Variants in KALRN observed in about 807,000 individuals in gnomAD.
KALRN encodes the protein kalirin.
Under a neutral mutation model 353.7 loss-of-function variants are expected in KALRN, and 70 were observed. That is an observed-to-expected ratio of 0.20 (90% CI 0.16 to 0.24). The LOEUF (loss-of-function observed/expected upper bound fraction) is 0.24, where lower values mean the gene tolerates loss of function less well. Ranked by LOEUF, KALRN falls within the 10% of genes least tolerant of loss-of-function variation. KALRN has a pLI of 1.00. For missense variants in KALRN, 2,791 were observed against 3,756.7 expected, an observed-to-expected ratio of 0.74 and a Z score of 6.72; for synonymous variants, 1,391 against 1,434.8, an observed-to-expected ratio of 0.97 and a Z score of 0.69.
intron 34 of KALRN, among the ~76,000 whole-genome samples, chr3:124,573,972 G>A (rs191745597): frequency 9.2e-5 from 14 of 152,240 alleles, no homozygotes; most frequent in Admixed American, 7.2e-4. Context: ...GGTAACATTT[G>A]GACCACATTA....
chr3:124,149,515 G>C (rs1389463641), intron 1 of KALRN, among the ~76,000 whole-genome samples: 3 of 152,138 alleles, frequency 2.0e-5, no homozygotes, highest in Non-Finnish European at 4.4e-5. Flanking sequence ...TTGGAAGTGG[G>C]ATCTCATTCT....
intron 37 of KALRN, 129 bp from the exon 38 acceptor site, chr3:124,650,679 C>T: frequency 1.1e-6 from 1 of 893,384 alleles, no homozygotes. Flanking sequence ...TAGTGCTTCA[C>T]TGTGGTTTGG....
At chr3:124,364,343 C>G (rs1261457495) in intron 10 of KALRN, among the ~76,000 whole-genome samples, 1 of 152,186 alleles carries the variant, frequency 6.6e-6, no homozygotes, top group Non-Finnish European at 1.5e-5. Flanking sequence ...GGATGGGAGC[C>G]TGAACCTCAT....
intron 1 of KALRN, among the ~76,000 whole-genome samples, chr3:124,121,308 ATGTC>A (rs1701503831): frequency 6.6e-6 from 1 of 152,170 alleles, no homozygotes; most frequent in Non-Finnish European, 1.5e-5. Context: ...ATCTAGCACA[ATGTC>A]TGGTATACAG....
intron 51 of KALRN, among the ~76,000 whole-genome samples, chr3:124,690,956 C>T (rs2061780985): frequency 6.6e-6 from 1 of 152,148 alleles, no homozygotes; most frequent in Non-Finnish European, 1.5e-5. Flanking sequence ...CTTGGAAGGT[C>T]TGAAATGAAG....
At chr3:124,227,939 C>T in intron 1 of KALRN, 51 bp from the exon 2 acceptor site, 2 of 1,464,086 alleles carry the variant, frequency 1.4e-6, no homozygotes, top group Non-Finnish European at 1.9e-6. Context: ...CCTTGCGATT[C>T]AGCCAGCTGG....
intron 34 of KALRN, among the ~76,000 whole-genome samples, chr3:124,627,879 C>T (rs1578451199): frequency 6.6e-6 from 1 of 152,336 alleles, no homozygotes; most frequent in Non-Finnish European, 1.5e-5. Flanking sequence ...GTTAGTCGAG[C>T]TCCTAATATT....
intron 16 of KALRN, among the ~76,000 whole-genome samples, chr3:124,432,754 A>T (rs931179066): frequency 6.6e-6 from 1 of 152,216 alleles, no homozygotes; most frequent in Non-Finnish European, 1.5e-5. Flanking sequence ...ACACCATTTC[A>T]TCTTTACAGA....
At chr3:124,484,315 T>A (rs2062311025) in intron 28 of KALRN, among the ~76,000 whole-genome samples, 1 of 152,118 alleles carries the variant, frequency 6.6e-6, no homozygotes, top group Non-Finnish European at 1.5e-5. Flanking sequence ...GTCCTCTGAG[T>A]CAGAGTGGGG....
At chr3:124,689,446 T>G (rs1578965043) in intron 51 of KALRN, among the ~76,000 whole-genome samples, 1 of 152,176 alleles carries the variant, frequency 6.6e-6, no homozygotes, top group South Asian at 2.1e-4. Context: ...CAAGTGATCC[T>G]CCTGCCTCAG....
intron 51 of KALRN, among the ~76,000 whole-genome samples, chr3:124,683,436 C>T (rs1282621616): frequency 2.6e-5 from 4 of 152,162 alleles, no homozygotes; most frequent in Non-Finnish European, 4.4e-5. Context: ...TTTGTACCTG[C>T]CCCCTAGCCC....
Position 124,044,850 on chromosome 3 carries a change from C to A in KALRN, c.73+11037C>A, listed in dbSNP as rs1243418907. On this transcript the variant is annotated intron_variant, in intron 1 of 59. Coordinates refer to ENST00000682506, the MANE Select transcript of KALRN (RefSeq NM_001388419.1). ...CCTTCCTTCCCTCCCTCCCTCCCTC[C>A]CTCCCTCCCTCCTTCCTTCCTTCCT... 4.7e-5 allele frequency among the ~76,000 whole-genome samples: 4 copies of A among 84,850 alleles called. No homozygotes were observed. The East Asian group carries it at 9.6e-4, about 20-fold the overall frequency. The allele number at this position is 84,850 out of a possible 152,430, so 55.7% of individuals were successfully genotyped here. A position where few individuals can be genotyped will look rare whatever the true frequency, so the allele number is the denominator to read the frequency against.
At chr3:124,127,382 C>T (rs2064808709) in intron 1 of KALRN, among the ~76,000 whole-genome samples, 1 of 151,998 alleles carries the variant, frequency 6.6e-6, no homozygotes, top group Non-Finnish European at 1.5e-5. Context: ...ATCCTCCTCC[C>T]CTTACTGAGG....
In KALRN at chr3:124,264,710, C is replaced by A; in HGVS notation, c.456+20C>A. 1 of 1,603,084 alleles carries A rather than the reference C, an allele frequency of 6.2e-7. No individual in the cohort carries two copies. The highest frequency in any genetic ancestry group is 8.5e-7 in the Non-Finnish European group (1 of 1,170,084). On this transcript the variant is annotated intron_variant, in intron 4 of 59. Coordinates refer to ENST00000682506, the MANE Select transcript of KALRN (RefSeq NM_001388419.1). Reference sequence around the variant, plus strand: ...TTTGAGGTGAGCCAGATTTCTCTCTCTTAGCATCTTCTTTCCCTTCCCCTT... The same window carrying A: ...TTTGAGGTGAGCCAGATTTCTCTCTATTAGCATCTTCTTTCCCTTCCCCTT...
chr3:124,718,901 C>T, intron 59 of KALRN, 24 bp from the exon 60 acceptor site: 1 of 1,504,656 alleles, frequency 6.6e-7, no homozygotes, highest in Non-Finnish European at 9.2e-7. Flanking sequence ...CTTCTTTTCT[C>T]CCTGCTTCCT....
intron 1 of KALRN, among the ~76,000 whole-genome samples, chr3:124,148,312 G>T (rs1247547019): frequency 6.6e-6 from 1 of 152,168 alleles, no homozygotes; most frequent in Non-Finnish European, 1.5e-5. Context: ...TAGGATAACT[G>T]GGAAGGGGCA....
intron 50 of KALRN, 41 bp downstream of exon 50, chr3:124,678,354 C>A (rs561688495): frequency 5.6e-6 from 9 of 1,605,698 alleles, no homozygotes; most frequent in Non-Finnish European, 7.7e-6. Flanking sequence ...ACCTGTCATC[C>A]ACTCCCACCC....
chr3:124,555,473 T>G (rs1162347972), intron 33 of KALRN, among the ~76,000 whole-genome samples: 1 of 151,634 alleles, frequency 6.6e-6, no homozygotes. Flanking sequence ...AAAGTTATCT[T>G]GTTTACTACC....
At chr3:124,087,674 G>C (rs528953720) in intron 1 of KALRN, among the ~76,000 whole-genome samples, 1 of 152,058 alleles carries the variant, frequency 6.6e-6, no homozygotes, top group African/African-American at 2.4e-5. Context: ...TGTCTTTTGG[G>C]GTGCTGGGAT....
Sources: gnomAD v4.1 joint callset for allele counts (sites outside exome capture counted in the v4.1 genomes callset) on GRCh38, gnomAD v4.1.1 for gene constraint, MANE v1.5 for transcripts, NCBI Gene and HGNC (gene_info 2026-07-23, HGNC 2026-07-21) for gene names.